Variants in DYNC2H1 observed in about 807,000 individuals in gnomAD.
DYNC2H1 encodes cytoplasmic dynein 2 heavy chain 1.
Under a neutral mutation model 570.0 loss-of-function variants are expected in DYNC2H1, and 410 were observed. The observed-to-expected ratio is 0.72, with a 90% confidence interval of 0.66 to 0.78. The LOEUF (loss-of-function observed/expected upper bound fraction) is 0.78, where lower values mean the gene tolerates loss of function less well. Among genes scored for constraint, DYNC2H1 ranks in the 30% least tolerant of loss-of-function variants. The pLI is 0.00. For synonymous variants in DYNC2H1, 1,688 were observed against 1,677.6 expected (o/e 1.01, Z -0.15); for missense variants, 4,865 against 5,046.4 (o/e 0.96, Z 1.09).
chr11:103,173,035 A>C (rs1861636094), intron 34 of DYNC2H1, 47 bp from the exon 35 acceptor site: 1 of 996,450 alleles, frequency 1.0e-6, no homozygotes, highest in East Asian at 3.9e-5. Context: ...TAAATATTTT[A>C]ACTTAATATT....
intron 82 of DYNC2H1, among the ~76,000 whole-genome samples, chr11:103,346,946 C>T (rs985911687): frequency 3.9e-5 from 6 of 152,158 alleles, no homozygotes; most frequent in African/African-American, 9.7e-5. Flanking sequence ...GAAGGATAAG[C>T]TGTCACCACC....
At position 103,152,229 on chromosome 11, in the gene DYNC2H1, A is replaced by G; in HGVS notation, c.3040A>G (p.Lys1014Glu). The G allele has an allele frequency of 2.5e-6, 4 of 1,609,708 alleles. No individual in the cohort carries two copies. The highest frequency in any genetic ancestry group is 3.4e-6 in the Non-Finnish European group (4 of 1,178,500). Residue 1014 changes from lysine to glutamate, a missense_variant, in exon 21 of 89, where the codon AAG becomes GAG. By Grantham distance (56) the Lys-to-Glu change is moderately conservative. Transcript: ENST00000375735. ...GLETISNLKA[K>E]WDKFELMMES... ...AGAAACAATTAGTAATTTGAAAGCC[A>G]AGTGGGATAAATTTGAGTTAATGAT...
intron 83 of DYNC2H1, among the ~76,000 whole-genome samples, chr11:103,386,102 G>C (rs78415920): frequency 0.016 from 2,416 of 152,274 alleles, 67 homozygotes; most frequent in African/African-American, 0.055. Flanking sequence ...TTCTGAACTC[G>C]TAGTTACATT....
chr11:103,293,596 C>T (rs1448205245), intron 75 of DYNC2H1, among the ~76,000 whole-genome samples: 1 of 150,652 alleles, frequency 6.6e-6, no homozygotes, highest in African/African-American at 2.4e-5. Context: ...TGTAGGCATA[C>T]TTCATCCTTT....
intron 3 of DYNC2H1, among the ~76,000 whole-genome samples, chr11:103,114,845 C>A (rs894831365): frequency 6.6e-6 from 1 of 151,924 alleles, no homozygotes; most frequent in Non-Finnish European, 1.5e-5. Flanking sequence ...TGAAGTTTAT[C>A]TAGTATATGT....
At chr11:103,342,409 G>T (rs1213991588) in intron 82 of DYNC2H1, among the ~76,000 whole-genome samples, 3 of 152,100 alleles carry the variant, frequency 2.0e-5, no homozygotes, top group South Asian at 2.1e-4. Context: ...CCAGCCAGCT[G>T]CAGCAAGCTG....
intron 87 of DYNC2H1, among the ~76,000 whole-genome samples, chr11:103,459,958 CAAAAAAAAAA>C (rs1441972949): frequency 1.1e-4 from 8 of 70,858 alleles, no homozygotes; most frequent in South Asian, 5.1e-4. Flanking sequence ...GACTCCGTCT[CAAAAAAAAAA>C]GAAAAAAAAA....
At chr11:103,292,788 G>A (rs1866668078) in intron 75 of DYNC2H1, among the ~76,000 whole-genome samples, 1 of 152,218 alleles carries the variant, frequency 6.6e-6, no homozygotes, top group Non-Finnish European at 1.5e-5. Context: ...TGAGATGCCT[G>A]CTTCTCCTTT....
At chr11:103,149,689 G>C (rs1007930109) in intron 20 of DYNC2H1, among the ~76,000 whole-genome samples, 4 of 152,162 alleles carry the variant, frequency 2.6e-5, no homozygotes, top group Non-Finnish European at 5.9e-5. Context: ...TGGATCACTT[G>C]ATGTATTCCA....
At chr11:103,469,021 G>C (rs190630415) in intron 88 of DYNC2H1, among the ~76,000 whole-genome samples, 175 of 152,312 alleles carry the variant, frequency 1.1e-3, no homozygotes, top group African/African-American at 4.0e-3. Context: ...AGCAATGTGT[G>C]CTAGGTACTT....
Position 103,259,960 on chromosome 11 carries a change from T to A in DYNC2H1, c.10678T>A (p.Cys3560Ser). 1 of 1,532,508 alleles carries A rather than the reference T, an allele frequency of 6.5e-7. No homozygotes were observed. Among genetic ancestry groups the A allele is most frequent in the Non-Finnish European group, 8.8e-7 (1 of 1,135,876 alleles). The allele number at this position is 1,532,508 out of a possible 1,614,324, so 94.9% of individuals were successfully genotyped here. A position where few individuals can be genotyped will look rare whatever the true frequency, so the allele number is the denominator to read the frequency against. Reference protein sequence around the residue: ...SLQHMVYEYICRCLFKADQLM... With the variant: ...SLQHMVYEYISRCLFKADQLM... ...ACAACATATGGTATATGAATATATA[T>A]GTCGTTGTCTATTTAAGGTAAGAAG... is the stretch of plus-strand genomic sequence containing the variant. The change falls in exon 70 of 89, where the codon TGT (cysteine) becomes AGT (serine). Residue 3560 changes from cysteine (C) to serine (S), a missense_variant. Around this residue, in one of 5 missense-constraint regions of DYNC2H1, gnomAD observed 2,401 missense variants for 2,454.6 expected, o/e 0.98. Coordinates refer to ENST00000375735, the MANE Select transcript of DYNC2H1 (RefSeq NM_001377.3).
chr11:103,472,773 T>C lies in DYNC2H1; in HGVS notation c.12765+4068T>C, dbSNP rs999663983. Among the ~76,000 whole-genome samples the C allele has an allele frequency of 5.3e-5, 8 of 152,204 alleles. No individual in the cohort carries two copies. Among genetic ancestry groups the C allele is most frequent in the African/African-American group, 1.7e-4 (7 of 41,448 alleles). On this transcript the variant is annotated intron_variant, in intron 88 of 88. Coordinates refer to ENST00000375735, the MANE Select transcript of DYNC2H1 (RefSeq NM_001377.3). The surrounding 1 kb of genome is among the most constrained non-coding windows in gnomAD (Gnocchi z 4.1). ...TAGAAAATGGAGGTTTAAAAGATTA[T>C]GTATTATTATATGATAATAATAAAA...
chr11:103,271,015 C>T (rs1020427247), intron 70 of DYNC2H1, among the ~76,000 whole-genome samples: 23 of 152,056 alleles, frequency 1.5e-4, no homozygotes, highest in Admixed American at 1.3e-3. Context: ...GTGTCTGTGC[C>T]GCTCACCTTG....
At chr11:103,127,444 G>T (rs1408201049) in intron 12 of DYNC2H1, among the ~76,000 whole-genome samples, 1 of 152,108 alleles carries the variant, frequency 6.6e-6, no homozygotes. Flanking sequence ...TTTCTTGATT[G>T]TACTTTTTCT....
At chr11:103,379,279 C>A (rs1333385428) in intron 83 of DYNC2H1, among the ~76,000 whole-genome samples, 1 of 152,176 alleles carries the variant, frequency 6.6e-6, no homozygotes, top group Admixed American at 6.5e-5. Context: ...TCCTGTTGTG[C>A]CATCTTCTGT....
intron 85 of DYNC2H1, among the ~76,000 whole-genome samples, chr11:103,441,469 G>A (rs1362298924): frequency 1.3e-5 from 2 of 149,914 alleles, no homozygotes; most frequent in Admixed American, 1.3e-4. Context: ...AAGTTTCTAT[G>A]TATTCTGCCA....
chr11:103,113,210 T>C (rs1591254950), intron 1 of DYNC2H1, among the ~76,000 whole-genome samples: 1 of 152,142 alleles, frequency 6.6e-6, no homozygotes, highest in South Asian at 2.1e-4. Flanking sequence ...CTATTACTGA[T>C]TCTGGCTAGA....
chr11:103,388,459 T>A (rs1294947712), intron 83 of DYNC2H1, among the ~76,000 whole-genome samples: 17 of 152,326 alleles, frequency 1.1e-4, no homozygotes, highest in Non-Finnish European at 1.9e-4. Flanking sequence ...AGAGGGACAA[T>A]TTGACTTCCT....
chr11:103,459,257 C>T (rs1173246151), intron 87 of DYNC2H1, among the ~76,000 whole-genome samples: 2 of 130,576 alleles, frequency 1.5e-5, no homozygotes, highest in East Asian at 4.6e-4. Context: ...TGCAGTGAGC[C>T]GAGATCCCGC....
Sources: allele counts gnomAD v4.1 joint callset (sites outside exome capture counted in the v4.1 genomes callset), GRCh38; gene constraint gnomAD v4.1.1; regional missense constraint gnomAD v4.1.1; non-coding constraint Gnocchi (gnomAD v3.1); transcripts MANE v1.5; gene names NCBI Gene and HGNC (gene_info 2026-07-23, HGNC 2026-07-21).